Variants in CRY2 observed in about 807,000 individuals in gnomAD.
CRY2 encodes cryptochrome-2.
Under a neutral mutation model 69.5 loss-of-function variants are expected in CRY2, and 31 were observed. The ratio of observed to expected loss-of-function variants is 0.45; its 90% confidence interval spans 0.34 to 0.60. CRY2 has a LOEUF of 0.60. Ranked by LOEUF, CRY2 falls within the 20% of genes least tolerant of loss-of-function variation. The pLI, the probability that CRY2 is intolerant of heterozygous loss-of-function variation, is 0.02. For synonymous variants in CRY2, 303 were observed against 312.2 expected (o/e 0.97, Z 0.31); for missense variants, 606 against 797.8 (o/e 0.76, Z 2.90).
At position 45,856,096 on chromosome 11, in the gene CRY2, C is replaced by T. The variant is rs778411772; in HGVS notation, c.324+6C>T. The T allele has an allele frequency of 1.3e-5, 21 of 1,604,572 alleles. No individual in the cohort carries two copies. Among genetic ancestry groups the T allele is most frequent in the African/African-American group, 9.4e-5 (7 of 74,652 alleles). On this transcript the variant is annotated splice_donor_region_variant and intron_variant, in intron 2 of 11. Transcript: ENST00000616080. Reference sequence around the variant, plus strand: ...TGTTCCCAAGGCTGTTCAAGGTAAGCGTGCAGAGCCCCAGAGAAGACAGTG... The same window carrying T: ...TGTTCCCAAGGCTGTTCAAGGTAAGTGTGCAGAGCCCCAGAGAAGACAGTG...
intron 2 of CRY2, among the ~76,000 whole-genome samples, chr11:45,857,159 TGTACAAATCACACAGTGCTA>T (rs1471447642): frequency 3.3e-5 from 5 of 152,176 alleles, no homozygotes; most frequent in Admixed American, 6.5e-5. Flanking sequence ...TGTGCATACA[TGTACAAATCACACAGTGCTA>T]GTAATTGCCC....
chr11:45,872,445 G>T (rs150511531), intron 11 of CRY2, among the ~76,000 whole-genome samples: 56 of 152,192 alleles, frequency 3.7e-4, no homozygotes, highest in Non-Finnish European at 6.6e-4. Flanking sequence ...ATATCTGTGT[G>T]ACCTTTACCA....
At chr11:45,865,946 C>G (rs1049352493) in intron 5 of CRY2, among the ~76,000 whole-genome samples, 19 of 152,178 alleles carry the variant, frequency 1.2e-4, no homozygotes, top group African/African-American at 4.6e-4. Context: ...GGAGGCCAGT[C>G]AGGAGGCTGC....
At chr11:45,847,782 C>T (rs1443904935) in intron 1 of CRY2, 77 bp downstream of exon 1, 1 of 1,448,524 alleles carries the variant, frequency 6.9e-7, no homozygotes, top group Non-Finnish European at 9.2e-7. Flanking sequence ...CAGCACGATC[C>T]CCCCAACCCC....
chr11:45,870,681 G>T, intron 9 of CRY2, 149 bp downstream of exon 9: 4 of 1,123,784 alleles, frequency 3.6e-6, no homozygotes, highest in Non-Finnish European at 5.1e-6. Flanking sequence ...ACTGCAGGCT[G>T]GGATGAACTG....
chr11:45,866,623 A>T (rs560982788), intron 5 of CRY2, among the ~76,000 whole-genome samples: 24 of 152,202 alleles, frequency 1.6e-4, no homozygotes, highest in Non-Finnish European at 2.8e-4. Context: ...GTTTGGAGTT[A>T]GAGACCAGCC....
At chr11:45,871,838 G>C (rs2086385902) in intron 10 of CRY2, among the ~76,000 whole-genome samples, 1 of 152,206 alleles carries the variant, frequency 6.6e-6, no homozygotes, top group Non-Finnish European at 1.5e-5. Context: ...ATCAGTCTCT[G>C]GCCACAGCCC....
rs371453150 is a variant in CRY2 at position 45,870,541 on chromosome 11, A to T, written c.1549+9A>T. On this transcript the variant is annotated intron_variant, in intron 9 of 11. Coordinates refer to ENST00000616080, the MANE Select transcript of CRY2 (RefSeq NM_021117.5). ...GCGCTACCGGGGACTCTGTAAGGAG[A>T]CAAACACCTAGCTCACTGAAGGGAA... 4.3e-5 allele frequency: 70 copies of T among 1,613,430 alleles called. No homozygotes were observed. Among genetic ancestry groups the T allele is most frequent in the Non-Finnish European group, 5.3e-5 (62 of 1,179,798 alleles).
intron 1 of CRY2, among the ~76,000 whole-genome samples, chr11:45,853,904 A>T (rs2086217639): frequency 6.6e-6 from 1 of 152,226 alleles, no homozygotes; most frequent in South Asian, 2.1e-4. Flanking sequence ...GCAGCATTCA[A>T]CCTGTTTGTC....
At chr11:45,855,581 C>T (rs767350651) in intron 1 of CRY2, among the ~76,000 whole-genome samples, 6 of 152,230 alleles carry the variant, frequency 3.9e-5, no homozygotes, top group Non-Finnish European at 7.3e-5. Context: ...TCTGATCACA[C>T]AGAAACACCA....
chr11:45,869,907 G>C (rs1018017680), intron 7 of CRY2, 90 bp downstream of exon 7: 4 of 1,520,482 alleles, frequency 2.6e-6, no homozygotes, highest in Admixed American at 2.0e-5. Flanking sequence ...GATGAGGTGG[G>C]ATTTCTGGGT....
chr11:45,847,305 TG>T (rs1414745971), upstream of CRY2: 5 of 1,529,828 alleles, frequency 3.3e-6, no homozygotes, highest in Admixed American at 4.4e-5. Flanking sequence ...GGGGCGGGCC[TG>T]TTCCGGCGCC....
chr11:45,875,590 T>C (rs1412335725), intron 11 of CRY2, among the ~76,000 whole-genome samples: 1 of 152,192 alleles, frequency 6.6e-6, no homozygotes, highest in East Asian at 1.9e-4. Flanking sequence ...GGACTGATTC[T>C]TGAGGTTTAC....
intron 11 of CRY2, among the ~76,000 whole-genome samples, chr11:45,877,692 C>T (rs541113024): frequency 6.6e-6 from 1 of 152,352 alleles, no homozygotes; most frequent in South Asian, 2.1e-4. Flanking sequence ...GGTGCCTCCC[C>T]TTGGCTGTTC....
At chr11:45,856,286 C>T (rs775311434) in intron 2 of CRY2, 196 bp downstream of exon 2, 5 of 554,574 alleles carry the variant, frequency 9.0e-6, no homozygotes, top group Non-Finnish European at 1.6e-5. Flanking sequence ...GAAAAAAATT[C>T]TGGGAAACCA....
chr11:45,859,886 G>T (rs554558804), intron 3 of CRY2, among the ~76,000 whole-genome samples: 1 of 152,254 alleles, frequency 6.6e-6, no homozygotes, highest in Admixed American at 6.5e-5. Flanking sequence ...AGCTGTGCAC[G>T]TGAGCCGGGC....
At chr11:45,867,919 C>T in intron 6 of CRY2, 167 bp downstream of exon 6, 1 of 852,690 alleles carries the variant, frequency 1.2e-6, no homozygotes, top group South Asian at 1.8e-5. Context: ...ACTCAATATC[C>T]AAGAGGGCAG....
chr11:45,876,035 A>G (rs955250920), intron 11 of CRY2, among the ~76,000 whole-genome samples: 1 of 152,166 alleles, frequency 6.6e-6, no homozygotes, highest in Non-Finnish European at 1.5e-5. Context: ...TTGGTATCAT[A>G]TTATATTGGG....
At chr11:45,875,528 G>A (rs2086418636) in intron 11 of CRY2, among the ~76,000 whole-genome samples, 2 of 152,190 alleles carry the variant, frequency 1.3e-5, no homozygotes. Flanking sequence ...AGAGGTAAAT[G>A]CCCGTCTCTT....
Sources: gnomAD v4.1 joint callset for allele counts (sites outside exome capture counted in the v4.1 genomes callset) on GRCh38, gnomAD v4.1.1 for gene constraint, MANE v1.5 for transcripts, NCBI Gene and HGNC (gene_info 2026-07-23, HGNC 2026-07-21) for gene names.